TENM3: variants seen among roughly 807,000 people sequenced by gnomAD.
TENM3 encodes teneurin-3.
A neutral mutation model predicts 255.1 loss-of-function variants in TENM3; 63 were observed. The observed-to-expected ratio is 0.25, with a 90% CI of 0.20 to 0.30. The LOEUF (loss-of-function observed/expected upper bound fraction) is 0.30. Ranked by LOEUF, TENM3 falls within the 10% of genes least tolerant of loss-of-function variation. The pLI, the probability that TENM3 is intolerant of heterozygous loss-of-function variation, is 1.00. For synonymous variants in TENM3, 1,306 were observed against 1,322.3 expected (o/e 0.99, Z 0.27); for missense variants, 2,929 against 3,461.1 (o/e 0.85, Z 3.86).
the TENM3 span, among the ~76,000 whole-genome samples, chr4:182,100,430 C>T: frequency 1.3e-4 from 13 of 101,478 alleles, no homozygotes; most frequent in Admixed American, 7.6e-4. Flanking sequence ...GGCAAAACTC[C>T]GTCTCCGTAA....
At chr4:182,178,499 C>G (rs959617967) in intron 1 of TENM3, among the ~76,000 whole-genome samples, 1 of 152,180 alleles carries the variant, frequency 6.6e-6, no homozygotes, top group Non-Finnish European at 1.5e-5. Context: ...CCTACAAACA[C>G]ACGTACTAAC....
intron 3 of TENM3, among the ~76,000 whole-genome samples, chr4:182,361,878 T>G (rs540609803): frequency 6.6e-6 from 1 of 152,188 alleles, no homozygotes; most frequent in Non-Finnish European, 1.5e-5. Context: ...ATGATGGTGA[T>G]GTACAGATGG....
chr4:182,100,822 CATATATAT>C, the TENM3 span, among the ~76,000 whole-genome samples: 14 of 10,510 alleles, frequency 1.3e-3, no homozygotes, highest in African/African-American at 5.4e-3. Context: ...TATATATACA[CATATATAT>C]ATATATATAC....
the TENM3 span, among the ~76,000 whole-genome samples, chr4:181,776,492 A>T: frequency 6.6e-6 from 1 of 152,118 alleles, no homozygotes; most frequent in Non-Finnish European, 1.5e-5. Flanking sequence ...GAGAATCTCC[A>T]TACGGTTTTC....
At chr4:181,841,016 C>T in the TENM3 span, among the ~76,000 whole-genome samples, 2 of 152,048 alleles carry the variant, frequency 1.3e-5, no homozygotes, top group East Asian at 1.9e-4. Context: ...AATGTCAATG[C>T]TTTGTAGGTT....
chr4:181,510,846 G>C, the TENM3 span, among the ~76,000 whole-genome samples: 1 of 152,180 alleles, frequency 6.6e-6, no homozygotes, highest in Admixed American at 6.5e-5. Context: ...TGGAGCTAAT[G>C]CTCCATGTTT....
chr4:182,706,973 CAAA>C (rs895734516), intron 12 of TENM3, among the ~76,000 whole-genome samples: 1 of 146,692 alleles, frequency 6.8e-6, no homozygotes, highest in Non-Finnish European at 1.5e-5. Flanking sequence ...AAAAAAAAAA[CAAA>C]AAGACTCTGC....
the TENM3 span, among the ~76,000 whole-genome samples, chr4:181,943,840 G>A: frequency 2.0e-5 from 3 of 152,232 alleles, no homozygotes; most frequent in African/African-American, 4.8e-5. Context: ...ACACGTTTCC[G>A]CAGGGCCCAC....
chr4:181,749,630 A>G, the TENM3 span, among the ~76,000 whole-genome samples: 1 of 152,112 alleles, frequency 6.6e-6, no homozygotes, highest in Non-Finnish European at 1.5e-5. Context: ...TTTTAAAGTT[A>G]TTATATTTTG....
chr4:182,784,328 G>A (rs1349625060), intron 24 of TENM3, among the ~76,000 whole-genome samples: 1 of 151,886 alleles, frequency 6.6e-6, no homozygotes, highest in East Asian at 1.9e-4. Flanking sequence ...AGGTGTCAGT[G>A]TGCCCCTGCT....
the TENM3 span, among the ~76,000 whole-genome samples, chr4:182,035,750 T>C: frequency 6.6e-6 from 1 of 152,200 alleles, no homozygotes; most frequent in Admixed American, 6.5e-5. Flanking sequence ...CAAACTGCAG[T>C]CAGAGTAATA....
At chr4:181,944,411 T>A in the TENM3 span, among the ~76,000 whole-genome samples, 1 of 150,268 alleles carries the variant, frequency 6.7e-6, no homozygotes, top group African/African-American at 2.5e-5. Context: ...GCGAATGGGA[T>A]GTTGAGCACC....
chr4:181,476,168 A>G, the TENM3 span, among the ~76,000 whole-genome samples: 6 of 151,708 alleles, frequency 4.0e-5, no homozygotes, highest in South Asian at 1.3e-3. Flanking sequence ...GCTCTTTTGA[A>G]GCCCCGGAAT....
At chr4:182,744,116 T>A (rs1761828824) in intron 19 of TENM3, 21 of 777,062 alleles carry the variant, frequency 2.7e-5, no homozygotes, top group Non-Finnish European at 3.1e-5. Flanking sequence ...TTTTTTTTTT[T>A]ACCTTTTTTT....
the TENM3 span, among the ~76,000 whole-genome samples, chr4:181,702,927 A>G: frequency 3.9e-5 from 6 of 152,200 alleles, no homozygotes; most frequent in African/African-American, 1.2e-4. Context: ...CCAGTATGAA[A>G]AAAAAGCTAA....
the TENM3 span, among the ~76,000 whole-genome samples, chr4:182,068,533 G>A: frequency 1.3e-5 from 2 of 151,400 alleles, no homozygotes; most frequent in African/African-American, 4.9e-5. Flanking sequence ...CAATTAAACT[G>A]TCTTAATGCA....
the TENM3 span, chr4:181,835,218 G>A: frequency 6.6e-6 from 1 of 152,138 alleles, no homozygotes; most frequent in African/African-American, 2.4e-5. Flanking sequence ...TATGTACTCT[G>A]AGTATTCACT....
chr4:181,709,586 C>G, the TENM3 span, among the ~76,000 whole-genome samples: 2 of 152,224 alleles, frequency 1.3e-5, no homozygotes, highest in East Asian at 3.9e-4. Context: ...GAATGGTCAT[C>G]AAGAATACCA....
At chr4:181,705,074 A>T in the TENM3 span, among the ~76,000 whole-genome samples, 1 of 151,378 alleles carries the variant, frequency 6.6e-6, no homozygotes, top group East Asian at 1.9e-4. Context: ...ACAAAAAAGG[A>T]GAGACCCCCA....
Sources: allele counts gnomAD v4.1 joint callset (sites outside exome capture counted in the v4.1 genomes callset), GRCh38; gene constraint gnomAD v4.1.1; transcripts MANE v1.5; gene names NCBI Gene and HGNC (gene_info 2026-07-23, HGNC 2026-07-21).